Variants in FHIT observed in about 807,000 individuals in gnomAD.
The protein encoded by FHIT is fragile histidine triad diadenosine triphosphatase, also known as bis(5'-adenosyl)-triphosphatase.
A neutral mutation model predicts 17.9 loss-of-function variants in FHIT; 19 were observed. That is an observed-to-expected ratio of 1.06 (90% CI 0.74 to 1.56). The LOEUF (loss-of-function observed/expected upper bound fraction) is 1.56, where lower values mean the gene tolerates loss of function less well. Among genes scored for constraint, FHIT ranks in the 40% most tolerant of loss-of-function variants. FHIT has a pLI of 0.00. For missense variants in FHIT, 248 were observed against 189.2 expected (o/e 1.31, Z -1.82); for synonymous variants, 81 against 69.7 (o/e 1.16, Z -0.81).
intron 7 of FHIT, among the ~76,000 whole-genome samples, chr3:60,009,381 A>G (rs1036027769): frequency 6.6e-6 from 1 of 152,228 alleles, no homozygotes; most frequent in Non-Finnish European, 1.5e-5. Context: ...AATCGTTTTA[A>G]AAAGTTCAAC....
intron 4 of FHIT, among the ~76,000 whole-genome samples, chr3:60,611,346 C>G (rs1227447147): frequency 6.6e-6 from 1 of 152,114 alleles, no homozygotes; most frequent in Non-Finnish European, 1.5e-5. Flanking sequence ...AGCCAAGTAT[C>G]ACAGAAATAT....
chr3:60,405,617 G>C (rs1046867642), intron 5 of FHIT, among the ~76,000 whole-genome samples: 7 of 152,222 alleles, frequency 4.6e-5, no homozygotes, highest in African/African-American at 1.7e-4. Context: ...CAGGTAGAGT[G>C]CCCCAAGAGA....
intron 3 of FHIT, among the ~76,000 whole-genome samples, chr3:60,890,735 T>C (rs1405802681): frequency 6.6e-6 from 1 of 152,218 alleles, no homozygotes; most frequent in Non-Finnish European, 1.5e-5. Context: ...CCAGAGATTC[T>C]GCCTAGAACA....
chr3:60,122,637 T>C (rs1705313566), intron 5 of FHIT, among the ~76,000 whole-genome samples: 1 of 152,084 alleles, frequency 6.6e-6, no homozygotes, highest in South Asian at 2.1e-4. Context: ...AGATAGACAC[T>C]CAGAGCCTCA....
intron 3 of FHIT, among the ~76,000 whole-genome samples, chr3:60,838,717 A>T (rs1463295479): frequency 6.6e-6 from 1 of 152,060 alleles, no homozygotes; most frequent in Non-Finnish European, 1.5e-5. Context: ...AATAAACCGG[A>T]TCCTATCGAA....
At chr3:61,000,590 T>C (rs1413360676) in intron 3 of FHIT, among the ~76,000 whole-genome samples, 1 of 152,026 alleles carries the variant, frequency 6.6e-6, no homozygotes, top group Admixed American at 6.6e-5. Context: ...CTAAATACCC[T>C]GGAAGTTATT....
intron 8 of FHIT, among the ~76,000 whole-genome samples, chr3:59,815,294 G>C (rs886566378): frequency 1.3e-5 from 2 of 152,084 alleles, no homozygotes; most frequent in African/African-American, 4.8e-5. Flanking sequence ...ATGTCAACTA[G>C]TACAACCACT....
At chr3:61,185,758 CCCAGAAATGTCACTTGGA>C (rs537034379) in intron 2 of FHIT, among the ~76,000 whole-genome samples, 2 of 152,276 alleles carry the variant, frequency 1.3e-5, no homozygotes, top group East Asian at 3.9e-4. Flanking sequence ...GAAAAAAACA[CCCAGAAATGTCACTTGGA>C]GTCATCTCTG....
rs368047922 is a variant in FHIT at position 60,836,217 on chromosome 3, G to A, written c.-110-14206C>T. Among the ~76,000 whole-genome samples, 8 of 152,132 alleles carry A rather than the reference G, an allele frequency of 5.3e-5. No individual in the cohort carries two copies. The East Asian group carries it at 1.2e-3, about 22-fold the overall frequency. ...TCAGGATTGTTGTGTCTCTATTTAT[G>A]ACAGTTATTGGTATATATTTCTCTT... On this transcript the variant is annotated intron_variant, in intron 3 of 9. Transcript: ENST00000492590.
chr3:60,063,047 G>A (rs1056891694), intron 5 of FHIT, among the ~76,000 whole-genome samples: 1 of 152,140 alleles, frequency 6.6e-6, no homozygotes, highest in Admixed American at 6.5e-5. Flanking sequence ...TAATGCCTGG[G>A]GAGAAGACTG....
chr3:60,855,319 G>A (rs943025752), intron 3 of FHIT, among the ~76,000 whole-genome samples: 1 of 152,078 alleles, frequency 6.6e-6, no homozygotes, highest in Admixed American at 6.6e-5. Context: ...ATACACTGGG[G>A]GGACTCATGA....
rs1553798857 is a variant in FHIT, at chr3:61,014,810, A to ATT, written c.-111+27236_-111+27237insAA. Among the ~76,000 whole-genome samples, 105 of 129,860 alleles carry ATT rather than the reference A, an allele frequency of 8.1e-4. 1 individual carries two copies. The highest frequency in any genetic ancestry group is 1.5e-3 in the Non-Finnish European group (94 of 61,482). 85.2% of individuals were successfully genotyped at this position (129,860 alleles called of 152,430 possible). A position where few individuals can be genotyped will look rare whatever the true frequency, so the allele number is the denominator to read the frequency against. On this transcript the variant is annotated intron_variant, in intron 3 of 9. Coordinates refer to ENST00000492590, the MANE Select transcript of FHIT (RefSeq NM_002012.4). ...AAAAAAAAAAAAAAAAAAAAAAAAT[A>ATT]TATATATATATATATGTATACACAT...
intron 4 of FHIT, among the ~76,000 whole-genome samples, chr3:60,768,946 T>G (rs1457807214): frequency 6.6e-6 from 1 of 152,200 alleles, no homozygotes; most frequent in Non-Finnish European, 1.5e-5. Context: ...GAGATGAAAA[T>G]GTATACTTCT....
chr3:61,062,586 T>C (rs9869954), intron 2 of FHIT, among the ~76,000 whole-genome samples: 83,497 of 152,048 alleles, frequency 0.55, 24,053 homozygotes, highest in Non-Finnish European at 0.65. Flanking sequence ...CCAACGTCAG[T>C]AGAGACATTG....
chr3:60,237,720 G>C (rs1704881568), intron 5 of FHIT, among the ~76,000 whole-genome samples: 1 of 152,060 alleles, frequency 6.6e-6, no homozygotes, highest in Non-Finnish European at 1.5e-5. Flanking sequence ...GCTTCTTGGT[G>C]CCTAATGTAA....
chr3:60,710,922 G>A (rs1407940864), intron 4 of FHIT, among the ~76,000 whole-genome samples: 7 of 152,194 alleles, frequency 4.6e-5, no homozygotes, highest in Non-Finnish European at 7.3e-5. Context: ...GGAGAGCAGT[G>A]GTTCTCCCAG....
chr3:60,568,614 T>TAA (rs144401946), intron 4 of FHIT, among the ~76,000 whole-genome samples: 25 of 151,152 alleles, frequency 1.7e-4, no homozygotes, highest in Non-Finnish European at 7.4e-5. Flanking sequence ...TAATAAAAAT[T>TAA]AAAAAAAAAG....
chr3:59,961,890 A>T (rs1196650775), intron 7 of FHIT, among the ~76,000 whole-genome samples: 2 of 122,670 alleles, frequency 1.6e-5, no homozygotes, highest in African/African-American at 5.8e-5. Flanking sequence ...CCATTTTTCA[A>T]TTTTTTTTAT....
chr3:60,200,962 G>A (rs1368508419), intron 5 of FHIT, among the ~76,000 whole-genome samples: 1 of 152,072 alleles, frequency 6.6e-6, no homozygotes, highest in African/African-American at 2.4e-5. Context: ...ATTAAGGACA[G>A]ACAAGCAACA....
Sources: gnomAD v4.1 joint callset for allele counts (sites outside exome capture counted in the v4.1 genomes callset) on GRCh38, gnomAD v4.1.1 for gene constraint, MANE v1.5 for transcripts, NCBI Gene and HGNC (gene_info 2026-07-23, HGNC 2026-07-21) for gene names.